GRIP1: variants seen among roughly 807,000 people sequenced by gnomAD.
The protein encoded by GRIP1 is glutamate receptor-interacting protein 1.
GRIP1 carries 45 observed loss-of-function variants against 129.9 expected under a neutral mutation model. That is an observed-to-expected ratio of 0.35 (90% CI 0.27 to 0.44). GRIP1 has a LOEUF of 0.44. GRIP1 is among the 20% of genes least tolerant of loss of function. The pLI is 1.00. For missense variants in GRIP1, 1,196 were observed against 1,396.8 expected, an observed-to-expected ratio of 0.86 and a Z score of 2.29; for synonymous variants, 530 against 520.8, an observed-to-expected ratio of 1.02 and a Z score of -0.24.
At chr12:67,046,310 T>G (rs1395420849) in intron 1 of GRIP1, among the ~76,000 whole-genome samples, 1 of 151,972 alleles carries the variant, frequency 6.6e-6, no homozygotes, top group African/African-American at 2.4e-5. Flanking sequence ...CTCAGGAAGA[T>G]CCAAAGATCT....
intron 2 of GRIP1, among the ~76,000 whole-genome samples, chr12:66,557,386 C>A (rs532741963): frequency 2.0e-5 from 3 of 152,028 alleles, no homozygotes; most frequent in Non-Finnish European, 4.4e-5. Context: ...TAGCTGGTGA[C>A]CCTACTTTCA....
intron 1 of GRIP1, among the ~76,000 whole-genome samples, chr12:66,758,898 C>T (rs1423496842): frequency 6.6e-6 from 1 of 152,136 alleles, no homozygotes; most frequent in East Asian, 1.9e-4. Flanking sequence ...CGGGTACAGC[C>T]TCCCTCCTGG....
In GRIP1 at chr12:66,821,372, C is replaced by T. The variant is rs1020598243; in HGVS notation, c.59-224445G>A. Among the ~76,000 whole-genome samples, 3 of 152,218 alleles carry T rather than the reference C, an allele frequency of 2.0e-5. No homozygotes were observed. In the South Asian group the frequency reaches 6.2e-4, roughly 32 times the overall value. ...CAAAAATGTGGAAAGCTATGGATGA[C>T]TAAAGATCTTCATAACTGTTATATC... On this transcript the variant is annotated intron_variant, in intron 1 of 1. Transcript: ENST00000643019.
chr12:66,470,292 C>A (rs759764603), intron 7 of GRIP1, among the ~76,000 whole-genome samples: 2 of 152,184 alleles, frequency 1.3e-5, no homozygotes, highest in Non-Finnish European at 2.9e-5. Context: ...TTGTCTTCCA[C>A]CATTCTGCCC....
At chr12:66,417,794 A>G (rs1031603618) in intron 15 of GRIP1, among the ~76,000 whole-genome samples, 1 of 152,152 alleles carries the variant, frequency 6.6e-6, no homozygotes, top group Non-Finnish European at 1.5e-5. Flanking sequence ...AGAGGACACA[A>G]ACAAATAGAA....
At chr12:67,029,655 A>G (rs2042992565) in intron 1 of GRIP1, among the ~76,000 whole-genome samples, 1 of 151,886 alleles carries the variant, frequency 6.6e-6, no homozygotes, top group Non-Finnish European at 1.5e-5. Context: ...TTATTAAACC[A>G]AAATCTTGGC....
intron 8 of GRIP1, among the ~76,000 whole-genome samples, chr12:66,464,763 C>T (rs1166278153): frequency 6.6e-6 from 1 of 151,814 alleles, no homozygotes; most frequent in East Asian, 1.9e-4. Context: ...AATTTTTAAG[C>T]CCTGTAACAG....
intron 1 of GRIP1, among the ~76,000 whole-genome samples, chr12:67,028,405 T>C (rs1187554844): frequency 6.6e-6 from 1 of 152,206 alleles, no homozygotes; most frequent in African/African-American, 2.4e-5. Flanking sequence ...TTTTAGTAGT[T>C]TCTTCATGAG....
At chr12:66,579,962 C>T (rs1351242469) in intron 2 of GRIP1, among the ~76,000 whole-genome samples, 1 of 147,930 alleles carries the variant, frequency 6.8e-6, no homozygotes, top group Non-Finnish European at 1.5e-5. Context: ...TTGTCAGATT[C>T]ACCAAAGTTG....
chr12:66,898,221 C>T (rs1272005643), intron 1 of GRIP1, among the ~76,000 whole-genome samples: 10 of 152,200 alleles, frequency 6.6e-5, no homozygotes, highest in Admixed American at 6.5e-4. Flanking sequence ...ACACTAATAT[C>T]CCGAGACACA....
At chr12:66,742,301 T>G (rs2036812786) in intron 1 of GRIP1, among the ~76,000 whole-genome samples, 1 of 152,144 alleles carries the variant, frequency 6.6e-6, no homozygotes, top group African/African-American at 2.4e-5. Flanking sequence ...ACAAATGAAC[T>G]AGTAATAAAA....
chr12:66,596,703 T>C, intron 2 of GRIP1, 144 bp downstream of exon 2: 1 of 665,554 alleles, frequency 1.5e-6, no homozygotes, highest in Non-Finnish European at 2.7e-6. Flanking sequence ...TTTGAACAAG[T>C]GTTGTAGAAT....
In GRIP1 at chr12:66,545,255, T is replaced by C. The variant is rs2061912847; in HGVS notation, c.137-3305A>G. Among the ~76,000 whole-genome samples, 7 of 152,198 alleles carry C rather than the reference T, an allele frequency of 4.6e-5. No homozygotes were observed. In the South Asian group the frequency reaches 1.4e-3, roughly 31 times the overall value. On this transcript the variant is annotated intron_variant, in intron 2 of 24. Transcript: ENST00000359742. ...AGAATCCCACTGATGAAATGAAATT[T>C]AGTTGTTTGCTGTTTTTCTTTGTGT...
intron 1 of GRIP1, among the ~76,000 whole-genome samples, chr12:66,959,367 G>C (rs1238464536): frequency 2.0e-5 from 3 of 151,962 alleles, no homozygotes; most frequent in African/African-American, 7.2e-5. Context: ...TACTTTCACA[G>C]TTTTGCATTA....
chr12:66,413,373 T>A (rs2057470582), intron 15 of GRIP1, among the ~76,000 whole-genome samples: 1 of 151,916 alleles, frequency 6.6e-6, no homozygotes, highest in African/African-American at 2.4e-5. Flanking sequence ...ATAATAAAAT[T>A]AAGGCAGAAA....
At chr12:67,017,460 A>T (rs1282009091) in intron 1 of GRIP1, among the ~76,000 whole-genome samples, 1 of 152,108 alleles carries the variant, frequency 6.6e-6, no homozygotes, top group Non-Finnish European at 1.5e-5. Context: ...ATAGAGGAGA[A>T]CAAGAAAGCC....
intron 1 of GRIP1, among the ~76,000 whole-genome samples, chr12:66,946,275 T>C (rs1263673071): frequency 6.6e-6 from 1 of 152,210 alleles, no homozygotes; most frequent in Non-Finnish European, 1.5e-5. Flanking sequence ...AATTCAGTTC[T>C]CTCCAGGCCT....
At chr12:66,617,286 G>GAAAAAAAAA (rs63275262) in intron 1 of GRIP1, among the ~76,000 whole-genome samples, 1 of 104,052 alleles carries the variant, frequency 9.6e-6, no homozygotes. Flanking sequence ...CAGCCAACAA[G>GAAAAAAAAA]AAAAAAAAAA....
chr12:67,062,522 T>C (rs1045644557), intron 1 of GRIP1, among the ~76,000 whole-genome samples: 10 of 152,290 alleles, frequency 6.6e-5, no homozygotes, highest in African/African-American at 2.4e-4. Flanking sequence ...ACAGCTGTCT[T>C]CAGAAACTTC....
Sources: allele counts gnomAD v4.1 joint callset (sites outside exome capture counted in the v4.1 genomes callset), GRCh38; gene constraint gnomAD v4.1.1; transcripts MANE v1.5; gene names NCBI Gene and HGNC (gene_info 2026-07-23, HGNC 2026-07-21).